TRPV1: variants seen among roughly 807,000 people sequenced by gnomAD.
TRPV1 encodes transient receptor potential cation channel subfamily V member 1.
Under a neutral mutation model 82.3 loss-of-function variants are expected in TRPV1, and 82 were observed. The observed-to-expected ratio is 1.00, with a 90% CI of 0.83 to 1.20. The LOEUF (loss-of-function observed/expected upper bound fraction) is 1.20. TRPV1 is among the 50% of genes most tolerant of loss of function. The pLI, the probability that TRPV1 is intolerant of heterozygous loss-of-function variation, is 0.00. For synonymous variants in TRPV1, 515 were observed against 467.7 expected, an observed-to-expected ratio of 1.10 and a Z score of -1.30; for missense variants, 1,067 against 1,096.8, an observed-to-expected ratio of 0.97 and a Z score of 0.38.
At chr17:3,582,821 G>A (rs1045792679) in intron 10 of TRPV1, among the ~76,000 whole-genome samples, 2 of 151,190 alleles carry the variant, frequency 1.3e-5, no homozygotes, top group Non-Finnish European at 2.9e-5. Context: ...TTAGCCGGCT[G>A]TGGTGGCAGG....
At chr17:3,597,733 G>C (rs1174398442) in intron 2 of TRPV1, among the ~76,000 whole-genome samples, 3 of 147,270 alleles carry the variant, frequency 2.0e-5, no homozygotes, top group African/African-American at 7.9e-5. Flanking sequence ...GAGTGCAATG[G>C]CGCGATCTCA....
intron 11 of TRPV1, among the ~76,000 whole-genome samples, chr17:3,579,087 C>T (rs1482662230): frequency 6.6e-6 from 1 of 152,134 alleles, no homozygotes; most frequent in Non-Finnish European, 1.5e-5. Flanking sequence ...ATGTTCACTA[C>T]TTGGGTGACC....
At chr17:3,595,039 G>C (rs1193756100) in intron 2 of TRPV1, among the ~76,000 whole-genome samples, 1 of 152,162 alleles carries the variant, frequency 6.6e-6, no homozygotes, top group African/African-American at 2.4e-5. Flanking sequence ...GGAAGCCTGG[G>C]GGGCCGGGTG....
intron 11 of TRPV1, among the ~76,000 whole-genome samples, chr17:3,579,886 G>A (rs368430508): frequency 6.6e-6 from 1 of 152,282 alleles, no homozygotes; most frequent in East Asian, 1.9e-4. Flanking sequence ...AGGGGCCTTT[G>A]GCCATATCTG....
At position 3,591,021 on chromosome 17, in the gene TRPV1, G is replaced by A; in HGVS notation, c.547C>T (p.Gln183Ter). 1 of 1,611,854 alleles carries A rather than the reference G, an allele frequency of 6.2e-7. No individual in the cohort carries two copies. The highest frequency in any genetic ancestry group is 8.5e-7 in the Non-Finnish European group (1 of 1,179,156). ...ACAAGCTCCTTCAGGCTGTCCGTTTGCCGCGCGATCTCCAGGAGCAGGGGG... is the reference window on the plus strand; with the variant it reads ...ACAAGCTCCTTCAGGCTGTCCGTTTACCGCGCGATCTCCAGGAGCAGGGGG... ...TIPLLLEIAR[Q>*]TDSLKELVNA... Residue 183 changes from glutamine (Q) to a stop codon, truncating the protein, a stop_gained, in exon 5 of 17, where the codon CAA (glutamine) becomes TAA (stop). Transcript: ENST00000572705. LOFTEE classifies it high-confidence loss of function.
At chr17:3,593,002 T>C (rs1247626465) in intron 2 of TRPV1, 1 of 152,808 alleles carries the variant, frequency 6.5e-6, no homozygotes, top group Non-Finnish European at 1.5e-5. Flanking sequence ...ACTGAGCTTA[T>C]ACGAGATTTT....
At position 3,572,158 on chromosome 17, in the gene TRPV1, G is replaced by A. The variant is rs1214879971; in HGVS notation, c.2195C>T (p.Thr732Ile). Residue 732 changes from threonine to isoleucine, a missense_variant, in exon 15 of 17, where the codon ACA becomes ATA. Physicochemically the swap from Thr to Ile is moderately conservative, Grantham distance 89. Coordinates refer to ENST00000572705, the MANE Select transcript of TRPV1 (RefSeq NM_080704.4). ...CCGGTAGTCGTCCTTGCCATCAGGT[G>A]TGTACCCCACCTGCAGCAGCTTGCC... ...RSGKLLQVGY[T>I]PDGKDDYRWC... 1.2e-6 allele frequency: 2 copies of A among 1,613,738 alleles called. No homozygotes were observed. Among genetic ancestry groups the A allele is most frequent in the East Asian group, 2.2e-5 (1 of 44,876 alleles).
At chr17:3,605,714 T>G (rs1378282164) in intron 2 of TRPV1, among the ~76,000 whole-genome samples, 1 of 152,152 alleles carries the variant, frequency 6.6e-6, no homozygotes, top group African/African-American at 2.4e-5. Context: ...TGTCTTTTTC[T>G]TTTCCTAGGG....
chr17:3,591,931 C>T (rs965115298), intron 3 of TRPV1, 136 bp downstream of exon 3: 76 of 1,296,922 alleles, frequency 5.9e-5, no homozygotes, highest in African/African-American at 4.5e-4. Flanking sequence ...TGAGGAAGGA[C>T]GCTGGACCAG....
At chr17:3,604,409 C>A (rs1163020320) in intron 2 of TRPV1, among the ~76,000 whole-genome samples, 1 of 151,936 alleles carries the variant, frequency 6.6e-6, no homozygotes, top group African/African-American at 2.4e-5. Context: ...ACCAGCCTGG[C>A]CAACATGGTG....
rs1271838622 is a variant in TRPV1, at chr17:3,599,042, C to T, written c.-33-6659G>A. Among the ~76,000 whole-genome samples, 4 of 151,266 alleles carry T rather than the reference C, an allele frequency of 2.6e-5. No individual in the cohort carries two copies. The East Asian group carries it at 7.9e-4, about 30-fold the overall frequency. On this transcript the variant is annotated intron_variant, in intron 2 of 16. Coordinates refer to ENST00000572705, the MANE Select transcript of TRPV1 (RefSeq NM_080704.4). ...TCACCTGAGGTCAGGAGTTTGAGAC[C>T]AGGCCTGACCAACATGGTGAAACCC... is the stretch of plus-strand genomic sequence containing the variant.
chr17:3,607,044 T>C (rs2075300059), intron 2 of TRPV1, among the ~76,000 whole-genome samples: 1 of 152,086 alleles, frequency 6.6e-6, no homozygotes, highest in South Asian at 2.1e-4. Flanking sequence ...CTCATTTGGC[T>C]GAAAGAAAAA....
At position 3,583,642 on chromosome 17, in the gene TRPV1, G is replaced by A. The variant is rs533912005; in HGVS notation, c.1384-212C>T. ...AAGTGGCAGCCTGCAGGTGCCAAGCGGAGCATCTTACAATGCTGTGCCGCC... is the reference window on the plus strand; with the variant it reads ...AAGTGGCAGCCTGCAGGTGCCAAGCAGAGCATCTTACAATGCTGTGCCGCC... On this transcript the variant is annotated intron_variant, in intron 9 of 16. Coordinates refer to ENST00000572705, the MANE Select transcript of TRPV1 (RefSeq NM_080704.4). Among the ~76,000 whole-genome samples, 6 of 152,344 alleles carry A rather than the reference G, an allele frequency of 3.9e-5. No individual in the cohort carries two copies. In the East Asian group the frequency reaches 7.7e-4, roughly 20 times the overall value.
intron 13 of TRPV1, among the ~76,000 whole-genome samples, chr17:3,574,392 C>T (rs1410548790): frequency 6.6e-6 from 1 of 152,188 alleles, no homozygotes; most frequent in African/African-American, 2.4e-5. Context: ...AGAGCCTCTG[C>T]AGCAGCTGTG....
chr17:3,577,259 C>G, intron 12 of TRPV1, 67 bp from the exon 13 acceptor site: 1 of 1,510,668 alleles, frequency 6.6e-7, no homozygotes, highest in Non-Finnish European at 9.0e-7. Flanking sequence ...AAGGGCCGGG[C>G]CGCATCGGCC....
chr17:3,589,691 G>T (rs1379544983), intron 7 of TRPV1, 116 bp downstream of exon 7: 8 of 1,262,078 alleles, frequency 6.3e-6, no homozygotes, highest in Admixed American at 5.2e-5. Flanking sequence ...TGGTATGACA[G>T]AATCAGAGTC....
At chr17:3,569,141 C>T (rs988492014) in intron 16 of TRPV1, among the ~76,000 whole-genome samples, 9 of 152,040 alleles carry the variant, frequency 5.9e-5, no homozygotes, top group African/African-American at 9.7e-5. Flanking sequence ...TGGGGAGGGA[C>T]AGCATTAGAA....
chr17:3,577,342 AC>A, intron 12 of TRPV1, 150 bp from the exon 13 acceptor site: 2 of 931,298 alleles, frequency 2.1e-6, no homozygotes, highest in Non-Finnish European at 3.3e-6. Flanking sequence ...TGAGGGAGTC[AC>A]CCACCCTTCC....
chr17:3,580,812 T>A (rs535881452), intron 10 of TRPV1, among the ~76,000 whole-genome samples: 9 of 151,992 alleles, frequency 5.9e-5, no homozygotes, highest in East Asian at 5.8e-4. Context: ...AGGTTAGGAG[T>A]TCGAGACCAG....
Sources: allele counts gnomAD v4.1 joint callset (sites outside exome capture counted in the v4.1 genomes callset), GRCh38; gene constraint gnomAD v4.1.1; transcripts MANE v1.5; gene names NCBI Gene and HGNC (gene_info 2026-07-23, HGNC 2026-07-21).